The following SEMA3A variants were observed in gnomAD, a reference collection of about 807,000 sequenced individuals.
SEMA3A encodes semaphorin-3A.
In SEMA3A, 29 loss-of-function variants were observed where a neutral mutation model predicts 97.9. That is an observed-to-expected ratio of 0.30 (90% CI 0.22 to 0.40). SEMA3A has a LOEUF of 0.40. SEMA3A is among the 10% of genes least tolerant of loss of function. The pLI is 1.00. For synonymous variants in SEMA3A, 321 were observed against 323.7 expected, an observed-to-expected ratio of 0.99 and a Z score of 0.09; for missense variants, 763 against 951.3, an observed-to-expected ratio of 0.80 and a Z score of 2.60.
chr7:83,987,260 A>G (rs1389082176), intron 12 of SEMA3A, among the ~76,000 whole-genome samples: 1 of 151,876 alleles, frequency 6.6e-6, no homozygotes. Flanking sequence ...AAGAAGGTGG[A>G]AAAAAATCAA....
At chr7:84,432,739 A>G (rs1805014288) in intron 1 of SEMA3A, among the ~76,000 whole-genome samples, 1 of 152,166 alleles carries the variant, frequency 6.6e-6, no homozygotes, top group Non-Finnish European at 1.5e-5. Context: ...TTGTGGCTGC[A>G]TAGTATTTCA....
At chr7:84,311,322 A>T (rs1282895184) in intron 2 of SEMA3A, among the ~76,000 whole-genome samples, 2 of 151,952 alleles carry the variant, frequency 1.3e-5, no homozygotes, top group African/African-American at 4.8e-5. Flanking sequence ...TATACACTTT[A>T]TGTGAATGTC....
chr7:84,024,035 T>G (rs1019258267), intron 6 of SEMA3A, among the ~76,000 whole-genome samples: 2 of 150,558 alleles, frequency 1.3e-5, no homozygotes, highest in South Asian at 2.1e-4. Flanking sequence ...AAAAAATTAG[T>G]TCACAGAAAT....
intron 1 of SEMA3A, among the ~76,000 whole-genome samples, chr7:84,456,542 T>C (rs1805689616): frequency 6.6e-6 from 1 of 151,832 alleles, no homozygotes. Flanking sequence ...CTGACATTAA[T>C]CAAATAGAAA....
intron 10 of SEMA3A, 53 bp from the exon 11 acceptor site, chr7:84,005,611 TA>T: frequency 8.5e-7 from 1 of 1,179,128 alleles, no homozygotes; most frequent in Non-Finnish European, 1.2e-6. Flanking sequence ...TAAACATAAT[TA>T]TAAATTATAT....
intron 6 of SEMA3A, among the ~76,000 whole-genome samples, chr7:84,025,956 A>G (rs1791529288): frequency 6.6e-6 from 1 of 152,234 alleles, no homozygotes; most frequent in African/African-American, 2.4e-5. Context: ...ATGTACTTCT[A>G]CACTATTTGG....
chr7:84,393,820 G>T (rs1803654244), intron 1 of SEMA3A, among the ~76,000 whole-genome samples: 1 of 152,046 alleles, frequency 6.6e-6, no homozygotes, highest in South Asian at 2.1e-4. Flanking sequence ...GGTTGTTGAA[G>T]AACCAATGGT....
chr7:84,379,837 A>G (rs641950), intron 1 of SEMA3A, among the ~76,000 whole-genome samples: 18,490 of 152,220 alleles, frequency 0.12, 2,075 homozygotes, highest in East Asian at 0.35. Context: ...GTATTTTTCA[A>G]TTAGGGACAA....
chr7:84,302,932 T>TA, intron 3 of SEMA3A, among the ~76,000 whole-genome samples: 1 of 151,976 alleles, frequency 6.6e-6, no homozygotes, highest in East Asian at 1.9e-4. Context: ...TCTGTAGACC[T>TA]AAAAACACTT....
At chr7:84,150,619 C>T (rs1584042163) in intron 1 of SEMA3A, among the ~76,000 whole-genome samples, 1 of 152,142 alleles carries the variant, frequency 6.6e-6, no homozygotes, top group South Asian at 2.1e-4. Context: ...ATTGCTAGCA[C>T]AGCAGTCTGA....
chr7:84,479,153 T>TA, intron 1 of SEMA3A, among the ~76,000 whole-genome samples: 1 of 152,150 alleles, frequency 6.6e-6, no homozygotes, highest in Admixed American at 6.6e-5. Flanking sequence ...TTTTTCATGG[T>TA]AAAAAATGCA....
Position 84,194,531 on chromosome 7 carries a change from C to G in SEMA3A, c.56G>C (p.Arg19Thr). The change falls in exon 1 of 17, where the codon AGA becomes ACA. Residue 19 changes from arginine to threonine, a missense_variant. Around this residue, in one of 2 missense-constraint regions of SEMA3A, gnomAD observed 85 missense variants for 70.0 expected, o/e 1.21. Transcript: ENST00000265362. ...GTTCTTCCCATTCTGATAGTTTGCT[C>G]TTGCTGTAAGTAATACTCCCCAGAA... ...CLFWGVLLTA[R>T]ANYQNGKNNV... The G allele has an allele frequency of 6.2e-7, 1 of 1,613,524 alleles. No individual in the cohort carries two copies. Among genetic ancestry groups the G allele is most frequent in the Non-Finnish European group, 8.5e-7 (1 of 1,179,556 alleles).
intron 13 of SEMA3A, among the ~76,000 whole-genome samples, chr7:83,983,076 CTT>C (rs1318450183): frequency 6.6e-6 from 1 of 151,898 alleles, no homozygotes; most frequent in African/African-American, 2.4e-5. Context: ...CTATATTCAA[CTT>C]TTATTATAGT....
intron 6 of SEMA3A, among the ~76,000 whole-genome samples, chr7:84,039,718 A>T (rs1165115330): frequency 1.3e-5 from 2 of 152,128 alleles, no homozygotes; most frequent in Non-Finnish European, 2.9e-5. Flanking sequence ...GGAGAAATCT[A>T]TCAGTTATAT....
At chr7:84,418,932 T>C (rs576818899) in intron 1 of SEMA3A, among the ~76,000 whole-genome samples, 12 of 150,950 alleles carry the variant, frequency 7.9e-5, no homozygotes, top group African/African-American at 1.5e-4. Context: ...CATATATATA[T>C]ACATATATCT....
chr7:84,414,139 A>G (rs887539050), intron 1 of SEMA3A, among the ~76,000 whole-genome samples: 7 of 152,084 alleles, frequency 4.6e-5, no homozygotes, highest in Non-Finnish European at 7.4e-5. Context: ...AGTAAATTAT[A>G]TATTTGTTTT....
intron 1 of SEMA3A, among the ~76,000 whole-genome samples, chr7:84,472,237 A>T (rs1171674860): frequency 6.6e-6 from 1 of 152,114 alleles, no homozygotes; most frequent in African/African-American, 2.4e-5. Flanking sequence ...CAAGAGATAC[A>T]ATGACAAACA....
At chr7:84,098,419 T>C (rs904092034) in intron 4 of SEMA3A, among the ~76,000 whole-genome samples, 4 of 152,038 alleles carry the variant, frequency 2.6e-5, no homozygotes, top group Non-Finnish European at 5.9e-5. Context: ...GTAAGGTAGG[T>C]GGGTTTTATT....
chr7:84,310,724 T>C (rs1248814658), intron 2 of SEMA3A, among the ~76,000 whole-genome samples: 1 of 152,070 alleles, frequency 6.6e-6, no homozygotes, highest in African/African-American at 2.4e-5. Flanking sequence ...GAACTGCAAC[T>C]TACACTGGTC....
Sources: allele counts gnomAD v4.1 joint callset (sites outside exome capture counted in the v4.1 genomes callset), GRCh38; gene constraint gnomAD v4.1.1; regional missense constraint gnomAD v4.1.1; transcripts MANE v1.5; gene names NCBI Gene and HGNC (gene_info 2026-07-23, HGNC 2026-07-21).